ECPAS: variants seen among roughly 807,000 people sequenced by gnomAD.
ECPAS encodes the protein proteasome adapter and scaffold protein ECM29.
A neutral mutation model predicts 255.1 loss-of-function variants in ECPAS; 70 were observed. The ratio of observed to expected loss-of-function variants is 0.27; its 90% CI spans 0.23 to 0.33. ECPAS has a LOEUF of 0.33. ECPAS is among the 10% of genes least tolerant of loss of function. The pLI is 1.00. For synonymous variants in ECPAS, 784 were observed against 775.0 expected (o/e 1.01, Z -0.19); for missense variants, 1,817 against 2,206.4 (o/e 0.82, Z 3.54).
At chr9:111,470,523 G>C (rs1298649326) in intron 2 of ECPAS, among the ~76,000 whole-genome samples, 1 of 152,048 alleles carries the variant, frequency 6.6e-6, no homozygotes, top group East Asian at 1.9e-4. Flanking sequence ...TGTTACCCGT[G>C]ATGGTCTCAA....
At chr9:111,483,789 CT>C in intron 1 of ECPAS, 2 of 191,708 alleles carry the variant, frequency 1.0e-5, no homozygotes, top group African/African-American at 2.4e-5. Flanking sequence ...GCCGCTGCCG[CT>C]GCCGCCGCCG....
chr9:111,425,859 T>C, intron 10 of ECPAS, 31 bp from the exon 11 acceptor site: 1 of 1,041,114 alleles, frequency 9.6e-7, no homozygotes, highest in Non-Finnish European at 1.4e-6. Context: ...AGAACATCAA[T>C]TAATAAAAAT....
At chr9:111,394,020 G>GCCA in intron 26 of ECPAS, 140 bp downstream of exon 26, 2 of 881,498 alleles carry the variant, frequency 2.3e-6, no homozygotes, top group Non-Finnish European at 3.3e-6. Flanking sequence ...TATACATCAG[G>GCCA]CCACCATCCT....
Position 111,390,011 on chromosome 9 carries a change from G to A in ECPAS, c.3252C>T (p.Asn1084=). Residue 1084 remains asparagine (N), a synonymous_variant, in exon 30 of 50, where the codon AAC becomes AAT. Coordinates refer to ENST00000684092, the MANE Select transcript of ECPAS (RefSeq NM_001364929.1). The part of the protein sequence containing the change: ...DLVYKFMNLA[N]HHAMWNSRKG... ...TCCTAGAGTTCCACATTGCATGATGGTTGGCTAAATTCATAAATTTATACA... is the reference window on the plus strand; with the variant it reads ...TCCTAGAGTTCCACATTGCATGATGATTGGCTAAATTCATAAATTTATACA... 1 of 1,599,138 alleles carries A rather than the reference G, an allele frequency of 6.3e-7. No individual in the cohort carries two copies. The highest frequency in any genetic ancestry group is 8.6e-7 in the Non-Finnish European group (1 of 1,168,630).
intron 2 of ECPAS, among the ~76,000 whole-genome samples, chr9:111,464,360 C>T (rs1243700761): frequency 2.0e-5 from 3 of 151,008 alleles, no homozygotes; most frequent in Non-Finnish European, 4.4e-5. Flanking sequence ...GGGAGAATCC[C>T]TTAAGCCTGC....
Position 111,444,483 on chromosome 9 carries a change from C to A in ECPAS, c.165G>T (p.Leu55=). ...QEGVRKKVME[L]LVHLNKRIKS... is the part of the protein sequence containing the mutation. The stretch of plus-strand genomic sequence containing the variant: ...TTATACGTTTATTCAGATGGACCAG[C>A]AGTTCCATTACCTAAAATACAGAGA... The change falls in exon 4 of 50, where the codon CTG becomes CTT. Residue 55 remains leucine, a synonymous_variant. Transcript: ENST00000684092. 1 of 1,609,666 alleles carries A rather than the reference C, an allele frequency of 6.2e-7. No homozygotes were observed. The highest frequency in any genetic ancestry group is 8.5e-7 in the Non-Finnish European group (1 of 1,176,198).
At chr9:111,443,515 C>T (rs138672075) in intron 4 of ECPAS, among the ~76,000 whole-genome samples, 53 of 141,790 alleles carry the variant, frequency 3.7e-4, no homozygotes, top group Admixed American at 6.0e-4. Context: ...TCCCAAAGTG[C>T]TGGGATTACA....
intron 35 of ECPAS, among the ~76,000 whole-genome samples, chr9:111,381,842 C>T (rs1478878294): frequency 1.3e-5 from 2 of 152,166 alleles, no homozygotes; most frequent in Non-Finnish European, 1.5e-5. Context: ...AGCTCACTCA[C>T]ACATTGCAAT....
At chr9:111,428,530 A>G (rs1042617080) in intron 9 of ECPAS, among the ~76,000 whole-genome samples, 3 of 152,190 alleles carry the variant, frequency 2.0e-5, no homozygotes, top group Admixed American at 6.5e-5. Flanking sequence ...GCCTTACTAC[A>G]AGAGAAATGA....
rs779937190 is a variant in ECPAS, at chr9:111,394,229, G to A, written c.2853C>T (p.His951=). 20 of 1,608,354 alleles carry A rather than the reference G, an allele frequency of 1.2e-5. No homozygotes were observed. Among genetic ancestry groups the A allele is most frequent in the South Asian group, 5.5e-5 (5 of 90,092 alleles). Residue 951 remains histidine, a synonymous_variant, in exon 26 of 50, where the codon CAC becomes CAT. Coordinates refer to ENST00000684092, the MANE Select transcript of ECPAS (RefSeq NM_001364929.1). The stretch of plus-strand genomic sequence containing the variant: ...GCCAGATGCAGGCTGCTTGCCTCAC[G>A]TGTGGGTTGGGGCTGATGATATGTT... ...LNKHIISPNP[H]VRQAACIWLL... is the part of the protein sequence containing the mutation.
rs2098228287 is a variant in ECPAS, at chr9:111,430,547, C to T, written c.930G>A (p.Glu310=). The T allele has an allele frequency of 3.2e-6, 5 of 1,572,452 alleles. No individual in the cohort carries two copies. Among genetic ancestry groups the T allele is most frequent in the Non-Finnish European group, 4.4e-6 (5 of 1,148,468 alleles). Reference sequence around the variant, plus strand: ...GTGAGAATAAATCAAAACAACCTACCTCTTTTGTCTTCAGTGGTATATCTC... The same window carrying T: ...GTGAGAATAAATCAAAACAACCTACTTCTTTTGTCTTCAGTGGTATATCTC... ...YLGDIPLKTK[E]GAVLKPELKR... is the part of the protein sequence containing the mutation. The change falls in exon 9 of 50, where the codon GAG becomes GAA. Residue 310 remains glutamate, a splice_region_variant and synonymous_variant. Transcript: ENST00000684092.
intron 34 of ECPAS, among the ~76,000 whole-genome samples, chr9:111,384,259 C>G (rs1212461316): frequency 1.3e-5 from 2 of 152,180 alleles, no homozygotes; most frequent in African/African-American, 4.8e-5. Flanking sequence ...GTTGCTTGAT[C>G]TGAGTGATGT....
rs1564513723 is a variant in ECPAS, at chr9:111,392,787, T to C, written c.3073A>G (p.Thr1025Ala). The change falls in exon 28 of 50, where the codon ACA becomes GCA. Residue 1025 changes from threonine to alanine, a missense_variant. Thr to Ala is a moderately conservative substitution (Grantham distance 58). Transcript: ENST00000684092. ...CCATACCTTTTGCCAGTCATAAGTGTTTCCACAAGTGTAGAAACCAATTCC... is the reference window on the plus strand; with the variant it reads ...CCATACCTTTTGCCAGTCATAAGTGCTTCCACAAGTGTAGAAACCAATTCC... ...QQELVSTLVE[T>A]LMTGKRVKHE... 1.2e-6 allele frequency: 2 copies of C among 1,612,918 alleles called. No individual in the cohort carries two copies. Among genetic ancestry groups the C allele is most frequent in the African/African-American group, 2.7e-5 (2 of 74,986 alleles).
At chr9:111,476,605 G>T (rs1208947724) in intron 1 of ECPAS, among the ~76,000 whole-genome samples, 1 of 137,170 alleles carries the variant, frequency 7.3e-6, no homozygotes, top group African/African-American at 2.8e-5. Flanking sequence ...TTTTGAGATG[G>T]AGTTTCACTC....
chr9:111,382,538 G>A (rs1413533762), intron 35 of ECPAS, among the ~76,000 whole-genome samples: 1 of 151,946 alleles, frequency 6.6e-6, no homozygotes, highest in Non-Finnish European at 1.5e-5. Flanking sequence ...AAAGTGCTGG[G>A]ATTACAGGCA....
chr9:111,423,625 T>A lies in ECPAS; in HGVS notation c.1216-377A>T, dbSNP rs199649500. On this transcript the variant is annotated intron_variant, in intron 12 of 49. Coordinates refer to ENST00000684092, the MANE Select transcript of ECPAS (RefSeq NM_001364929.1). Reference sequence around the variant, plus strand: ...CAACACACTAAAAAACATTAACTCATTAGAAAATACATCACCGGTCCAACA... The same window carrying A: ...CAACACACTAAAAAACATTAACTCAATAGAAAATACATCACCGGTCCAACA... 5.9e-5 allele frequency among the ~76,000 whole-genome samples: 9 copies of A among 152,298 alleles called. No individual in the cohort carries two copies. In the East Asian group the frequency reaches 1.7e-3, roughly 29 times the overall value.
intron 13 of ECPAS, 111 bp from the exon 14 acceptor site, chr9:111,422,311 C>T: frequency 8.7e-7 from 1 of 1,148,936 alleles, no homozygotes; most frequent in Non-Finnish European, 1.2e-6. Context: ...ACAATGTCAG[C>T]ATCATTACCC....
In ECPAS at chr9:111,418,014, A is replaced by G; in HGVS notation, c.1560-8T>C. 6.3e-7 allele frequency: 1 copy of G among 1,576,600 alleles called. No individual in the cohort carries two copies. The highest frequency in any genetic ancestry group is 8.6e-7 in the Non-Finnish European group (1 of 1,167,296). On this transcript the variant is annotated splice_region_variant and splice_polypyrimidine_tract_variant and intron_variant, in intron 16 of 49. Transcript: ENST00000684092. ...CCATGAACTTCTTCACGTCTTTCAG[A>G]AAAAGACAAATAAGAATAAAAAATA...
intron 2 of ECPAS, among the ~76,000 whole-genome samples, chr9:111,452,176 G>A (rs554380492): frequency 3.3e-4 from 50 of 152,240 alleles, no homozygotes; most frequent in Admixed American, 1.7e-3. Flanking sequence ...GAATGAAAGG[G>A]GAGCCTATGC....
Sources: allele counts gnomAD v4.1 joint callset (sites outside exome capture counted in the v4.1 genomes callset), GRCh38; gene constraint gnomAD v4.1.1; transcripts MANE v1.5; gene names NCBI Gene and HGNC (gene_info 2026-07-23, HGNC 2026-07-21).